The following ZAN variants were observed in gnomAD, a reference collection of about 807,000 sequenced individuals.
ZAN encodes the protein zonadhesin.
ZAN carries 260 observed loss-of-function variants against 286.2 expected under a neutral mutation model. The observed-to-expected ratio is 0.91, with a 90% CI of 0.82 to 1.01. ZAN has a LOEUF of 1.01. Ranked by LOEUF, ZAN falls within the 50% of genes least tolerant of loss-of-function variation. The pLI is 0.00. For synonymous variants in ZAN, 1,368 were observed against 1,417.5 expected (o/e 0.97, Z 0.79); for missense variants, 3,410 against 3,639.2 (o/e 0.94, Z 1.62).
chr7:100,764,113 T>C lies in ZAN; in HGVS notation c.4184T>C (p.Leu1395Pro). ...MCGFQGLQHL[L>P]CTHMSTMTTT... ...GGATTCCAGGGGCTGCAGCACCTGC[T>C]GTGCACACACATGTCCACCATGACC... Residue 1395 changes from leucine to proline, a missense_variant, in exon 22 of 48, where the codon CTG (leucine) becomes CCG (proline). This residue lies in a region of ZAN where 1,042 missense variants were observed against 1,058.0 expected (regional missense o/e 0.98). Transcript: ENST00000613979. The C allele has an allele frequency of 6.2e-7, 1 of 1,613,366 alleles. No homozygotes were observed. The highest frequency in any genetic ancestry group is 1.3e-5 in the African/African-American group (1 of 75,050).
At chr7:100,747,724 C>T in intron 9 of ZAN, 83 bp downstream of exon 9, 2 of 1,338,080 alleles carry the variant, frequency 1.5e-6, no homozygotes, top group Non-Finnish European at 2.1e-6. Context: ...GGTGCTGTGG[C>T]TCATGCCTGT....
intron 45 of ZAN, among the ~76,000 whole-genome samples, 183 bp downstream of exon 45, chr7:100,795,519 C>A (rs314343): frequency 6.7e-6 from 1 of 148,692 alleles, no homozygotes; most frequent in African/African-American, 2.5e-5. Context: ...ATTAATATAT[C>A]TTGTATATTA....
Position 100,775,677 on chromosome 7 carries a change from C to T in ZAN, c.6036C>T (p.Ser2012=), listed in dbSNP as rs757655199. 2 of 1,613,790 alleles carry T rather than the reference C, an allele frequency of 1.2e-6. No individual in the cohort carries two copies. Among genetic ancestry groups the T allele is most frequent in the Admixed American group, 3.3e-5 (2 of 59,984 alleles). The change falls in exon 33 of 48, where the codon AGC becomes AGT. Residue 2012 remains serine (S), a synonymous_variant. Coordinates refer to ENST00000613979, the MANE Select transcript of ZAN (RefSeq NM_003386.3). The stretch of plus-strand genomic sequence containing the variant: ...ACTGTCCTCCTGTTTAGATCAACAG[C>T]AAACAGGTCACCCTCCCCGCCATCT... ...LQKGHRVLIN[S]KQVTLPAISQ...
rs563223361 is a variant in ZAN, at chr7:100,745,649, G to A, written c.767-889G>A. Among the ~76,000 whole-genome samples the A allele has an allele frequency of 3.3e-5, 5 of 152,188 alleles. No individual in the cohort carries two copies. In the South Asian group the frequency reaches 1.0e-3, roughly 32 times the overall value. ...GCCTGTAATCCCAGCACTTTGGGAG[G>A]CCAAGGCGGGAGGATTGCTTGAGGC... is the stretch of plus-strand genomic sequence containing the variant. On this transcript the variant is annotated intron_variant, in intron 7 of 47. Transcript: ENST00000613979.
At chr7:100,734,914 G>T (rs552359164) in intron 2 of ZAN, among the ~76,000 whole-genome samples, 4 of 140,896 alleles carry the variant, frequency 2.8e-5, no homozygotes, top group Admixed American at 2.1e-4. Flanking sequence ...GGCCAAGCGC[G>T]GCGGCTCACC....
rs771987814 is a variant in ZAN, at chr7:100,750,902, A to T, written c.1521+6A>T. 1.3e-6 allele frequency: 2 copies of T among 1,533,390 alleles called. No homozygotes were observed. The highest frequency in any genetic ancestry group is 4.5e-5 in the East Asian group (2 of 44,080). The allele number at this position is 1,533,390 out of a possible 1,614,324, so 95.0% of individuals were successfully genotyped here. A position where few individuals can be genotyped will look rare whatever the true frequency, so the allele number is the denominator to read the frequency against. On this transcript the variant is annotated splice_donor_region_variant and intron_variant, in intron 12 of 47. Coordinates refer to ENST00000613979, the MANE Select transcript of ZAN (RefSeq NM_003386.3). ...GACACCAACAGCCCATGCAGGTGAG[A>T]GACGGAGGCGGGGGTCCTGTCTGTG... is the stretch of plus-strand genomic sequence containing the variant.
intron 7 of ZAN, among the ~76,000 whole-genome samples, chr7:100,741,176 G>A (rs1488422891): frequency 5.0e-5 from 1 of 20,112 alleles, no homozygotes; most frequent in Non-Finnish European, 1.2e-4. Context: ...CACCTCCCTC[G>A]CGGACGGGGC....
chr7:100,776,974 C>T (rs1425089996), intron 34 of ZAN, among the ~76,000 whole-genome samples: 12 of 147,810 alleles, frequency 8.1e-5, no homozygotes, highest in Admixed American at 6.9e-5. Flanking sequence ...CCTCGTGATC[C>T]ACCCGCCTCG....
intron 42 of ZAN, among the ~76,000 whole-genome samples, chr7:100,792,982 C>CAAAAAA (rs1232116032): frequency 1.5e-3 from 74 of 50,934 alleles, no homozygotes; most frequent in African/African-American, 2.9e-3. Flanking sequence ...CATCCTATCT[C>CAAAAAA]AAAAAAAAAA....
intron 19 of ZAN, 137 bp from the exon 20 acceptor site, chr7:100,762,078 C>T: frequency 9.2e-7 from 1 of 1,086,188 alleles, no homozygotes; most frequent in Non-Finnish European, 1.3e-6. Flanking sequence ...ATGGGGTCCT[C>T]TTGTCCAGTC....
In ZAN at chr7:100,791,685, G is replaced by A. The variant is rs1451122653; in HGVS notation, c.7530-281G>A. ...GCCTCCCAAAGTGCTGGGATTACAG[G>A]TGTGAGCCACCACACCCAGCCCCAG... On this transcript the variant is annotated intron_variant, in intron 40 of 47. Coordinates refer to ENST00000613979, the MANE Select transcript of ZAN (RefSeq NM_003386.3). Among the ~76,000 whole-genome samples, 3 of 152,066 alleles carry A rather than the reference G, an allele frequency of 2.0e-5. 1 individual carries two copies. The highest frequency in any genetic ancestry group is 7.2e-5 in the African/African-American group (3 of 41,412).
rs559188564 is a variant in ZAN at position 100,754,407 on chromosome 7, C to T, written c.3125-819C>T. ...CCGGGAGGCAGAGCTTGCAGTGAGC[C>T]GAGATCATGCCACCGCACTCCAGCC... On this transcript the variant is annotated intron_variant, in intron 14 of 47. Transcript: ENST00000613979. 4.6e-5 allele frequency among the ~76,000 whole-genome samples: 7 copies of T among 151,604 alleles called. 1 individual carries two copies. The South Asian group carries it at 8.4e-4, about 18-fold the overall frequency.
In ZAN at chr7:100,738,560, G is replaced by C; in HGVS notation, c.713G>C (p.Gly238Ala). Residue 238 changes from glycine to alanine, a missense_variant, in exon 7 of 48, where the codon GGG becomes GCG. Gly to Ala is a moderately conservative substitution (Grantham distance 60). Transcript: ENST00000613979. ...GGGGCCAAGTGGACTCAGAAGAAAG[G>C]GTCATCAGGAAAGCCAGGCGTGGGG... ...ASGAKWTQKK[G>A]SSGKPGVGPD... The C allele has an allele frequency of 2.0e-6, 3 of 1,516,296 alleles. 1 individual carries two copies. The highest frequency in any genetic ancestry group is 2.7e-6 in the Non-Finnish European group (3 of 1,104,198). 93.9% of individuals were successfully genotyped at this position (1,516,296 alleles called of 1,614,324 possible).
chr7:100,777,511 C>A (rs947814967), intron 34 of ZAN, among the ~76,000 whole-genome samples: 2 of 152,036 alleles, frequency 1.3e-5, no homozygotes, highest in African/African-American at 4.8e-5. Flanking sequence ...CACACCACCA[C>A]GCCCCACGTC....
rs117714489 is a variant in ZAN, at chr7:100,788,092, G to A, written c.7183G>A (p.Val2395Ile). 0.015 allele frequency: 23,623 copies of A among 1,566,374 alleles called. 948 individuals carry two copies. The highest frequency in any genetic ancestry group is 0.11 in the South Asian group (9,422 of 84,202). The change falls in exon 38 of 48, where the codon GTC becomes ATC. Residue 2395 changes from valine to isoleucine, a missense_variant. By Grantham distance (29) the Val-to-Ile change is conservative. This residue lies in a region of ZAN where 1,289 missense variants were observed against 1,314.3 expected (regional missense o/e 0.98). Transcript: ENST00000613979. ...CTTCTTGCAGGAAGTGATTACCACCGTCTACGGCTATAAAGTGCAGCTCCA... is the reference window on the plus strand; with the variant it reads ...CTTCTTGCAGGAAGTGATTACCACCATCTACGGCTATAAAGTGCAGCTCCA... ...SIFLQEVITT[V>I]YGYKVQLQAG...
chr7:100,762,250 A>G lies in ZAN; in HGVS notation c.3878A>G (p.Asn1293Ser), dbSNP rs1809639985. Residue 1293 changes from asparagine to serine, a missense_variant, in exon 20 of 48, where the codon AAC (asparagine) becomes AGC (serine). Physicochemically the swap from Asn to Ser is conservative, Grantham distance 46. Coordinates refer to ENST00000613979, the MANE Select transcript of ZAN (RefSeq NM_003386.3). ...GGCAAACTCTGTGGTTTGTGTGGGA[A>G]CTATGACGGCAACAGTGACAATGAC... ...YSGKLCGLCG[N>S]YDGNSDNDHL... 1 of 1,613,228 alleles carries G rather than the reference A, an allele frequency of 6.2e-7. No homozygotes were observed. The highest frequency in any genetic ancestry group is 8.5e-7 in the Non-Finnish European group (1 of 1,179,644).
chr7:100,750,238 G>A (rs983391395), intron 11 of ZAN, among the ~76,000 whole-genome samples: 6 of 152,004 alleles, frequency 3.9e-5, no homozygotes, highest in Admixed American at 1.3e-4. Flanking sequence ...CGGAGTTCAA[G>A]CAATTCTCCT....
intron 17 of ZAN, among the ~76,000 whole-genome samples, chr7:100,759,191 C>T (rs549830453): frequency 1.3e-5 from 2 of 151,946 alleles, no homozygotes; most frequent in South Asian, 4.2e-4. Flanking sequence ...AGCCACTGCA[C>T]TCCTGCACTC....
chr7:100,752,479 G>A lies in ZAN; in HGVS notation c.2374G>A (p.Glu792Lys), dbSNP rs1426638038. 3 of 1,608,862 alleles carry A rather than the reference G, an allele frequency of 1.9e-6. No homozygotes were observed. Among genetic ancestry groups the A allele is most frequent in the African/African-American group, 1.4e-5 (1 of 73,374 alleles). The change falls in exon 14 of 48, where the codon GAA becomes AAA. Residue 792 changes from glutamate to lysine, a missense_variant. Physicochemically the swap from Glu to Lys is moderately conservative, Grantham distance 56. Transcript: ENST00000613979. ...IPTEKPTIPT[E>K]KPTISTEEPT... is the part of the protein sequence containing the mutation. ...CACAGAAAAACCCACCATTCCCACAGAAAAACCCACCATCTCCACAGAAGA... is the reference window on the plus strand; with the variant it reads ...CACAGAAAAACCCACCATTCCCACAAAAAAACCCACCATCTCCACAGAAGA...
Sources: allele counts gnomAD v4.1 joint callset (sites outside exome capture counted in the v4.1 genomes callset), GRCh38; gene constraint gnomAD v4.1.1; regional missense constraint gnomAD v4.1.1; transcripts MANE v1.5; gene names NCBI Gene and HGNC (gene_info 2026-07-23, HGNC 2026-07-21).